The following RAD51C variants were observed in gnomAD, a reference collection of about 807,000 sequenced individuals.
RAD51C encodes RAD51 paralog C.
In RAD51C, 42 loss-of-function variants were observed where a neutral mutation model predicts 45.0. The observed-to-expected ratio is 0.93, with a 90% CI of 0.73 to 1.21. The LOEUF is 1.21. RAD51C is among the 50% of genes most tolerant of loss of function. The pLI is 0.00. For synonymous variants in RAD51C, 172 were observed against 159.8 expected (o/e 1.08, Z -0.58); for missense variants, 474 against 452.2 (o/e 1.05, Z -0.44).
At chr17:58,732,946 T>G (rs1481949391) in intron 8 of RAD51C, among the ~76,000 whole-genome samples, 1 of 152,184 alleles carries the variant, frequency 6.6e-6, no homozygotes, top group Non-Finnish European at 1.5e-5. Flanking sequence ...TTCTGTGAAT[T>G]TACATCATAG....
chr17:58,729,360 G>C (rs1206229999), intron 7 of RAD51C, among the ~76,000 whole-genome samples: 9 of 151,790 alleles, frequency 5.9e-5, no homozygotes, highest in Admixed American at 2.0e-4. Flanking sequence ...TGGGATTACA[G>C]GCATGCACCA....
chr17:58,693,177 T>C, intron 1 of RAD51C: 1 of 251,482 alleles, frequency 4.0e-6, no homozygotes, highest in South Asian at 4.2e-5. Flanking sequence ...TTGTCTAATT[T>C]TTGCTGTTCC....
intron 3 of RAD51C, among the ~76,000 whole-genome samples, chr17:58,701,364 C>G (rs920703566): frequency 6.6e-6 from 1 of 151,506 alleles, no homozygotes; most frequent in Non-Finnish European, 1.5e-5. Context: ...AAAAATTAGC[C>G]TGGCATGGTG....
chr17:58,694,331 G>A (rs922871854), intron 1 of RAD51C: 1 of 154,132 alleles, frequency 6.5e-6, no homozygotes, highest in Non-Finnish European at 1.4e-5. Flanking sequence ...AAAAGGGATA[G>A]TAAAAATATG....
chr17:58,702,518 C>T (rs1285669615), intron 3 of RAD51C, among the ~76,000 whole-genome samples: 2 of 151,716 alleles, frequency 1.3e-5, no homozygotes, highest in African/African-American at 4.8e-5. Flanking sequence ...CAAGGTGAAA[C>T]CCCGTCTCTA....
At chr17:58,702,691 T>TA (rs528849500) in intron 3 of RAD51C, among the ~76,000 whole-genome samples, 1,290 of 125,282 alleles carry the variant, frequency 0.01, 14 homozygotes, top group African/African-American at 0.027. Context: ...AGACTTTATC[T>TA]AAAAAAAAAA....
At position 58,695,064 on chromosome 17, in the gene RAD51C, G is replaced by A. The variant is rs2143722921; in HGVS notation, c.279G>A (p.Gln93=). ...GTACAGCACTGGAACTTCTTGAGCA[G>A]GAGCATACCCAGGGCTTCATAATCA... ...KKCTALELLE[Q]EHTQGFIITF... is the part of the protein sequence containing the mutation. The change falls in exon 2 of 9, where the codon CAG becomes CAA. Residue 93 remains glutamine (Q), a synonymous_variant. Coordinates refer to ENST00000337432, the MANE Select transcript of RAD51C (RefSeq NM_058216.3). The A allele has an allele frequency of 6.2e-7, 1 of 1,614,090 alleles. No homozygotes were observed. The highest frequency in any genetic ancestry group is 8.5e-7 in the Non-Finnish European group (1 of 1,180,020).
rs112832782 is a variant in RAD51C at position 58,695,018 on chromosome 17, C to G, written c.233C>G (p.Thr78Arg). The part of the protein sequence containing the change: ...CLTNKPRYAG[T>R]SESHKKCTAL... The stretch of plus-strand genomic sequence containing the variant: ...ACAAATAAACCAAGATATGCTGGTA[C>G]ATCTGAGTCACACAAGAAGTGTACA... Residue 78 changes from threonine (T) to arginine (R), a missense_variant, in exon 2 of 9, where the codon ACA (threonine) becomes AGA (arginine). Physicochemically the swap from Thr to Arg is moderately conservative, Grantham distance 71. Transcript: ENST00000337432. The G allele has an allele frequency of 1.2e-6, 2 of 1,614,004 alleles. No homozygotes were observed. Among genetic ancestry groups the G allele is most frequent in the South Asian group, 2.2e-5 (2 of 91,078 alleles).
chr17:58,699,654 A>G (rs1406995522), intron 3 of RAD51C, among the ~76,000 whole-genome samples: 1 of 152,200 alleles, frequency 6.6e-6, no homozygotes, highest in Non-Finnish European at 1.5e-5. Context: ...GAAGAGTTCC[A>G]TCTTCCCTCT....
intron 7 of RAD51C, chr17:58,732,276 C>A: frequency 2.2e-6 from 1 of 455,934 alleles, no homozygotes; most frequent in Non-Finnish European, 3.9e-6. Flanking sequence ...TTTTAGGTTG[C>A]TTTAAAATTT....
intron 1 of RAD51C, 62 bp from the exon 2 acceptor site, chr17:58,694,869 T>C: frequency 7.2e-7 from 1 of 1,391,686 alleles, no homozygotes; most frequent in South Asian, 1.2e-5. Context: ...AGACAATCGA[T>C]TATCATGTTA....
intron 5 of RAD51C, 81 bp downstream of exon 5, chr17:58,710,071 C>A (rs1337548227): frequency 6.8e-7 from 1 of 1,464,164 alleles, no homozygotes; most frequent in Middle Eastern, 1.7e-4. Flanking sequence ...GTCAAAATAG[C>A]GTTTGCCTGA....
At position 58,720,270 on chromosome 17, in the gene RAD51C, G is replaced by T. The variant is rs28363315; in HGVS notation, c.838-476G>T. On this transcript the variant is annotated intron_variant, in intron 5 of 8. Transcript: ENST00000337432. ...CTACTGAAAAAATACAAAAAAATTAGCTGGGTGTGGTGGTGGGCGCCTGTA... is the reference window on the plus strand; with the variant it reads ...CTACTGAAAAAATACAAAAAAATTATCTGGGTGTGGTGGTGGGCGCCTGTA... Among the ~76,000 whole-genome samples, 1,324 of 150,736 alleles carry T rather than the reference G, an allele frequency of 8.8e-3. 23 individuals are homozygous for T. The highest frequency in any genetic ancestry group is 0.03 in the African/African-American group (1,220 of 41,258).
At chr17:58,721,385 A>T (rs1472182036) in intron 6 of RAD51C, among the ~76,000 whole-genome samples, 4 of 152,196 alleles carry the variant, frequency 2.6e-5, no homozygotes, top group African/African-American at 4.8e-5. Flanking sequence ...TTAAATACAA[A>T]TCACACTACA....
At chr17:58,729,841 G>A (rs1426856386) in intron 7 of RAD51C, among the ~76,000 whole-genome samples, 3 of 152,056 alleles carry the variant, frequency 2.0e-5, no homozygotes, top group Non-Finnish European at 4.4e-5. Context: ...CAAAGTGCTG[G>A]ATTATAGACA....
intron 4 of RAD51C, among the ~76,000 whole-genome samples, chr17:58,706,256 G>T (rs1598478965): frequency 6.6e-6 from 1 of 151,818 alleles, no homozygotes; most frequent in East Asian, 1.9e-4. Flanking sequence ...GTGAAACCCT[G>T]TCTCTACTAA....
At chr17:58,715,410 C>T (rs970681254) in intron 5 of RAD51C, among the ~76,000 whole-genome samples, 4 of 146,936 alleles carry the variant, frequency 2.7e-5, no homozygotes, top group Non-Finnish European at 1.5e-5. Context: ...GCCAGGACCG[C>T]GCCATTGCAC....
chr17:58,694,812 T>C lies in RAD51C; in HGVS notation c.146-119T>C, dbSNP rs2047933409. 3 of 1,015,628 alleles carry C rather than the reference T, an allele frequency of 3.0e-6. No homozygotes were observed. In the Admixed American group the frequency reaches 5.4e-5, roughly 18 times the overall value. 62.9% of individuals were successfully genotyped at this position (1,015,628 alleles called of 1,614,324 possible). On this transcript the variant is annotated intron_variant, in intron 1 of 8. Transcript: ENST00000337432. ...TAAATGGTTGATAGAATGTTGCATTTTTATGTTTCTCCACTCCTAGCATCA... is the reference window on the plus strand; with the variant it reads ...TAAATGGTTGATAGAATGTTGCATTCTTATGTTTCTCCACTCCTAGCATCA...
intron 5 of RAD51C, among the ~76,000 whole-genome samples, chr17:58,713,159 A>G (rs1164771553): frequency 1.3e-5 from 2 of 152,160 alleles, no homozygotes; most frequent in Non-Finnish European, 2.9e-5. Flanking sequence ...ATGAGGTCAT[A>G]TTATACATGC....
Sources: gnomAD v4.1 joint callset for allele counts (sites outside exome capture counted in the v4.1 genomes callset) on GRCh38, gnomAD v4.1.1 for gene constraint, MANE v1.5 for transcripts, NCBI Gene and HGNC (gene_info 2026-07-23, HGNC 2026-07-21) for gene names.